The following IQGAP2 variants were observed in gnomAD, a reference collection of about 807,000 sequenced individuals.
The protein encoded by IQGAP2 is ras GTPase-activating-like protein IQGAP2.
A neutral mutation model predicts 201.3 loss-of-function variants in IQGAP2; 173 were observed. The observed-to-expected ratio is 0.86, with a 90% CI of 0.76 to 0.98. The LOEUF (loss-of-function observed/expected upper bound fraction) is 0.98, where lower values mean the gene tolerates loss of function less well. Among genes scored for constraint, IQGAP2 ranks in the 50% least tolerant of loss-of-function variants. The probability of loss-of-function intolerance (pLI) is 0.00; values close to 1 mark genes in which losing one functional copy is unlikely to be tolerated. For missense variants in IQGAP2, 1,687 were observed against 1,864.8 expected, an observed-to-expected ratio of 0.90 and a Z score of 1.76; for synonymous variants, 675 against 673.9, an observed-to-expected ratio of 1.00 and a Z score of -0.03.
chr5:76,516,094 A>G (rs1467868492), intron 2 of IQGAP2, among the ~76,000 whole-genome samples: 1 of 151,918 alleles, frequency 6.6e-6, no homozygotes, highest in Non-Finnish European at 1.5e-5. Context: ...CAGGCTGTCT[A>G]GAACTCCAGG....
At chr5:76,704,611 A>G (rs1175805616) in intron 35 of IQGAP2, among the ~76,000 whole-genome samples, 2 of 152,210 alleles carry the variant, frequency 1.3e-5, no homozygotes, top group Admixed American at 6.5e-5. Flanking sequence ...CAGGGCTCAG[A>G]GCAAAATAAA....
At chr5:76,600,304 A>G (rs745688881) in intron 10 of IQGAP2, among the ~76,000 whole-genome samples, 9 of 152,210 alleles carry the variant, frequency 5.9e-5, no homozygotes, top group Admixed American at 1.3e-4. Context: ...TGAAAATGTC[A>G]CTTTAACTTT....
chr5:76,663,637 C>G (rs1412087715), intron 21 of IQGAP2, among the ~76,000 whole-genome samples: 3 of 152,202 alleles, frequency 2.0e-5, no homozygotes, highest in Non-Finnish European at 4.4e-5. Context: ...AAATGTATTT[C>G]TTACTGCGGG....
At chr5:76,654,141 T>G (rs925959998) in intron 18 of IQGAP2, 59 bp from the exon 19 acceptor site, 16 of 1,171,670 alleles carry the variant, frequency 1.4e-5, no homozygotes, top group Non-Finnish European at 1.9e-5. Flanking sequence ...TGTTTGGTGA[T>G]TACTTTGACT....
intron 2 of IQGAP2, 132 bp downstream of exon 2, chr5:76,461,801 GC>G: frequency 1.5e-6 from 1 of 646,824 alleles, no homozygotes; most frequent in Non-Finnish European, 2.7e-6. Flanking sequence ...GTTGGAGATG[GC>G]CAGGGAGAGA....
At chr5:76,410,044 T>C (rs1415965783) in intron 1 of IQGAP2, among the ~76,000 whole-genome samples, 2 of 152,242 alleles carry the variant, frequency 1.3e-5, no homozygotes, top group Non-Finnish European at 2.9e-5. Context: ...TTTCAATTAA[T>C]TGAGCACCTA....
At chr5:76,410,126 A>C (rs182214127) in intron 1 of IQGAP2, among the ~76,000 whole-genome samples, 35 of 152,346 alleles carry the variant, frequency 2.3e-4, no homozygotes, top group African/African-American at 7.9e-4. Flanking sequence ...TCTGGGTGAC[A>C]AGTAAAAATG....
chr5:76,407,598 G>C (rs572042777), intron 1 of IQGAP2, among the ~76,000 whole-genome samples: 80 of 152,240 alleles, frequency 5.3e-4, no homozygotes, highest in African/African-American at 1.9e-3. Context: ...CTGGTGTTTT[G>C]GTTGAGCTTT....
chr5:76,490,653 G>GA (rs1366108008), intron 2 of IQGAP2, among the ~76,000 whole-genome samples: 6 of 152,086 alleles, frequency 3.9e-5, no homozygotes. Flanking sequence ...GTGGCTATGA[G>GA]AAAAAAGCTA....
At chr5:76,537,174 G>A (rs1315996433) in intron 2 of IQGAP2, among the ~76,000 whole-genome samples, 1 of 152,206 alleles carries the variant, frequency 6.6e-6, no homozygotes, top group African/African-American at 2.4e-5. Flanking sequence ...TCAGAGCCCT[G>A]ATATTTGCAT....
chr5:76,568,768 G>A (rs1487738034), intron 3 of IQGAP2, among the ~76,000 whole-genome samples: 3 of 152,152 alleles, frequency 2.0e-5, no homozygotes, highest in African/African-American at 4.8e-5. Context: ...GATCAATTTG[G>A]TGTCTTGGTA....
At chr5:76,453,510 C>G (rs563089956) in intron 1 of IQGAP2, among the ~76,000 whole-genome samples, 1 of 152,246 alleles carries the variant, frequency 6.6e-6, no homozygotes, top group African/African-American at 2.4e-5. Flanking sequence ...GCTCACTGTT[C>G]CCTTGTCTTC....
chr5:76,603,755 T>C (rs367857212), intron 11 of IQGAP2, among the ~76,000 whole-genome samples: 15 of 152,156 alleles, frequency 9.9e-5, no homozygotes, highest in African/African-American at 3.6e-4. Context: ...CTGAACTAAA[T>C]TGGATTACTG....
chr5:76,656,019 G>A (rs1752882663), intron 20 of IQGAP2, among the ~76,000 whole-genome samples: 1 of 152,122 alleles, frequency 6.6e-6, no homozygotes, highest in Non-Finnish European at 1.5e-5. Flanking sequence ...TGAATTAAGG[G>A]ATGAAGTATA....
chr5:76,566,807 A>C (rs1744782362), intron 3 of IQGAP2, among the ~76,000 whole-genome samples: 1 of 152,064 alleles, frequency 6.6e-6, no homozygotes, highest in African/African-American at 2.4e-5. Flanking sequence ...ATGAGAAGAC[A>C]GCTGGGTGGA....
intron 5 of IQGAP2, among the ~76,000 whole-genome samples, chr5:76,586,591 T>C (rs1306486573): frequency 6.6e-6 from 1 of 152,216 alleles, no homozygotes; most frequent in Non-Finnish European, 1.5e-5. Flanking sequence ...TGAAAGACTT[T>C]ATTGATAATA....
rs1006022544 is a variant in IQGAP2 at position 76,592,870 on chromosome 5, T to C, written c.852T>C (p.Ala284=). 2 of 1,612,400 alleles carry C rather than the reference T, an allele frequency of 1.2e-6. No homozygotes were observed. The highest frequency in any genetic ancestry group is 1.7e-5 in the Admixed American group (1 of 59,992). The part of the protein sequence containing the change: ...NSCISEEERD[A]YEELLTQAEI... ...GTATTTCAGAAGAAGAAAGAGATGCTTATGAAGAACTGCTGACACAAGCAG... is the reference window on the plus strand; with the variant it reads ...GTATTTCAGAAGAAGAAAGAGATGCCTATGAAGAACTGCTGACACAAGCAG... The change falls in exon 9 of 36, where the codon GCT becomes GCC. Residue 284 remains alanine (A), a synonymous_variant. Transcript: ENST00000274364.
chr5:76,596,226 C>T (rs942309390), intron 9 of IQGAP2, among the ~76,000 whole-genome samples: 7 of 152,176 alleles, frequency 4.6e-5, no homozygotes, highest in African/African-American at 1.2e-4. Context: ...AATCTAGTCA[C>T]GAATTAGGCA....
At chr5:76,422,846 T>C (rs1751801284) in intron 1 of IQGAP2, among the ~76,000 whole-genome samples, 1 of 152,270 alleles carries the variant, frequency 6.6e-6, no homozygotes, top group African/African-American at 2.4e-5. Flanking sequence ...TGCCAGGTGC[T>C]GTTTTAAGCA....
Sources: allele counts gnomAD v4.1 joint callset (sites outside exome capture counted in the v4.1 genomes callset), GRCh38; gene constraint gnomAD v4.1.1; transcripts MANE v1.5; gene names NCBI Gene and HGNC (gene_info 2026-07-23, HGNC 2026-07-21).